The following ATAD2B variants were observed in gnomAD, a reference collection of about 807,000 sequenced individuals.
ATAD2B encodes ATPase family AAA domain containing 2B.
In ATAD2B, 40 loss-of-function variants were observed where a neutral mutation model predicts 167.6. The ratio of observed to expected loss-of-function variants is 0.24; its 90% confidence interval spans 0.19 to 0.31. ATAD2B has a LOEUF of 0.31. Ranked by LOEUF, ATAD2B falls within the 10% of genes least tolerant of loss-of-function variation. The probability of loss-of-function intolerance (pLI) is 1.00; values close to 1 mark genes in which losing one functional copy is unlikely to be tolerated. For missense variants in ATAD2B, 1,242 were observed against 1,757.2 expected, an observed-to-expected ratio of 0.71 and a Z score of 5.24; for synonymous variants, 579 against 596.5, an observed-to-expected ratio of 0.97 and a Z score of 0.43.
intron 22 of ATAD2B, 99 bp downstream of exon 22, chr2:23,782,770 G>C: frequency 9.8e-7 from 1 of 1,024,792 alleles, no homozygotes; most frequent in Non-Finnish European, 1.4e-6. Flanking sequence ...AACAGGTCAT[G>C]AAAATTATCT....
intron 18 of ATAD2B, among the ~76,000 whole-genome samples, chr2:23,805,837 T>C (rs1375547435): frequency 1.3e-5 from 2 of 150,832 alleles, no homozygotes; most frequent in African/African-American, 4.9e-5. Flanking sequence ...TTCACTTAAG[T>C]GAAGCTTAGA....
At chr2:23,878,455 G>C (rs894828557) in intron 7 of ATAD2B, among the ~76,000 whole-genome samples, 3 of 151,516 alleles carry the variant, frequency 2.0e-5, no homozygotes, top group African/African-American at 7.3e-5. Flanking sequence ...TCAGGAGATC[G>C]AGACCATCCT....
chr2:23,800,938 T>C (rs1683400576), intron 18 of ATAD2B, among the ~76,000 whole-genome samples: 1 of 152,100 alleles, frequency 6.6e-6, no homozygotes, highest in Non-Finnish European at 1.5e-5. Context: ...TTACATGAAT[T>C]GAGAATTAAC....
chr2:23,752,539 T>C (rs1461033339), intron 27 of ATAD2B, among the ~76,000 whole-genome samples: 1 of 151,410 alleles, frequency 6.6e-6, no homozygotes, highest in Non-Finnish European at 1.5e-5. Flanking sequence ...TCCCATAACA[T>C]TGAAGATTGA....
chr2:23,866,996 C>G (rs994002017), intron 10 of ATAD2B, among the ~76,000 whole-genome samples: 7 of 152,074 alleles, frequency 4.6e-5, no homozygotes, highest in African/African-American at 1.7e-4. Flanking sequence ...CAGGTGTGAT[C>G]GATCATCTAT....
the ATAD2B span, among the ~76,000 whole-genome samples, chr2:23,740,660 C>G: frequency 6.6e-6 from 1 of 152,168 alleles, no homozygotes; most frequent in Non-Finnish European, 1.5e-5. Flanking sequence ...GATGCCCTCT[C>G]TCACCACTCC....
the ATAD2B span, among the ~76,000 whole-genome samples, chr2:23,731,659 C>T: frequency 1.3e-5 from 2 of 151,994 alleles, no homozygotes; most frequent in Admixed American, 6.6e-5. Flanking sequence ...TAAATGTAAC[C>T]CAATATATCA....
intron 7 of ATAD2B, among the ~76,000 whole-genome samples, chr2:23,879,240 T>C (rs1352807017): frequency 1.3e-5 from 2 of 151,882 alleles, no homozygotes; most frequent in African/African-American, 4.8e-5. Flanking sequence ...AGGATCATAA[T>C]GTCACATAAC....
intron 22 of ATAD2B, among the ~76,000 whole-genome samples, chr2:23,781,918 G>A (rs922751495): frequency 6.6e-6 from 1 of 151,876 alleles, no homozygotes; most frequent in Non-Finnish European, 1.5e-5. Flanking sequence ...GCTCAAGTGA[G>A]CCTCCCACCT....
intron 19 of ATAD2B, among the ~76,000 whole-genome samples, chr2:23,792,351 T>C (rs958313689): frequency 6.6e-6 from 1 of 151,936 alleles, no homozygotes; most frequent in Non-Finnish European, 1.5e-5. Context: ...CTGGCCAACC[T>C]TTTTGTTTTA....
chr2:23,885,981 G>A (rs1375991577), intron 4 of ATAD2B, among the ~76,000 whole-genome samples, 152 bp from the exon 5 acceptor site: 1 of 151,996 alleles, frequency 6.6e-6, no homozygotes, highest in African/African-American at 2.4e-5. Flanking sequence ...GTGTCCCTCT[G>A]TCACCCAGGC....
chr2:23,884,577 T>C (rs765411656), intron 6 of ATAD2B, among the ~76,000 whole-genome samples, 188 bp downstream of exon 6: 14 of 152,214 alleles, frequency 9.2e-5, no homozygotes, highest in Admixed American at 3.9e-4. Flanking sequence ...CACTTAAAAG[T>C]ATTTTTCCAA....
At chr2:23,711,018 C>T in the ATAD2B span, among the ~76,000 whole-genome samples, 3 of 152,096 alleles carry the variant, frequency 2.0e-5, no homozygotes, top group Admixed American at 1.3e-4. Flanking sequence ...TTCCGTGAGA[C>T]AGGTAATACT....
rs1032807805 is a variant in ATAD2B, at chr2:23,765,648, A to G, written c.3134-20T>C. Reference sequence around the variant, plus strand: ...TTTTATCTGTTAAAAAAGTTGGTATATATTTATTATAGAAACAAATAAAAT... The same window carrying G: ...TTTTATCTGTTAAAAAAGTTGGTATGTATTTATTATAGAAACAAATAAAAT... On this transcript the variant is annotated intron_variant, in intron 22 of 27. Transcript: ENST00000238789. The G allele has an allele frequency of 7.6e-6, 10 of 1,310,756 alleles. No homozygotes were observed. In the African/African-American group the frequency reaches 1.5e-4, roughly 20 times the overall value. 81.2% of individuals were successfully genotyped at this position (1,310,756 alleles called of 1,614,324 possible).
At chr2:23,739,448 C>T in the ATAD2B span, among the ~76,000 whole-genome samples, 1 of 152,178 alleles carries the variant, frequency 6.6e-6, no homozygotes, top group Non-Finnish European at 1.5e-5. Context: ...TCCTGAATGA[C>T]TACTGGGTAA....
At chr2:23,818,508 T>C (rs1189046215) in intron 17 of ATAD2B, among the ~76,000 whole-genome samples, 1 of 148,400 alleles carries the variant, frequency 6.7e-6, no homozygotes, top group Non-Finnish European at 1.5e-5. Flanking sequence ...TTACAAAGAG[T>C]TTGCTATTAA....
At chr2:23,843,919 T>C (rs1691332609) in intron 13 of ATAD2B, among the ~76,000 whole-genome samples, 1 of 152,070 alleles carries the variant, frequency 6.6e-6, no homozygotes, top group Non-Finnish European at 1.5e-5. Context: ...CTACTCAAGA[T>C]CCGTATCACA....
chr2:23,916,279 T>C (rs955171750), intron 1 of ATAD2B, among the ~76,000 whole-genome samples: 7 of 152,202 alleles, frequency 4.6e-5, no homozygotes, highest in African/African-American at 1.7e-4. Context: ...TTCACCACTT[T>C]TAGAGGAAAA....
chr2:23,695,927 G>T, the ATAD2B span: 2 of 1,548,228 alleles, frequency 1.3e-6, no homozygotes, highest in African/African-American at 2.7e-5. This position sits in a 1 kb window ranked among gnomAD's most constrained non-coding sequence, Gnocchi z 7.6. Context: ...TGTGTCCCAA[G>T]GGCGCCCATC....
Sources: allele counts gnomAD v4.1 joint callset (sites outside exome capture counted in the v4.1 genomes callset), GRCh38; gene constraint gnomAD v4.1.1; non-coding constraint Gnocchi (gnomAD v3.1); transcripts MANE v1.5; gene names NCBI Gene and HGNC (gene_info 2026-07-23, HGNC 2026-07-21).